Variants in ATAD2B observed in about 807,000 individuals in gnomAD.
The protein encoded by ATAD2B is ATPase family AAA domain-containing protein 2B.
Under a neutral mutation model 167.6 loss-of-function variants are expected in ATAD2B, and 40 were observed. That is an observed-to-expected ratio of 0.24 (90% CI 0.19 to 0.31). The LOEUF is 0.31. Ranked by LOEUF, ATAD2B falls within the 10% of genes least tolerant of loss-of-function variation. ATAD2B has a pLI of 1.00. For missense variants in ATAD2B, 1,242 were observed against 1,757.2 expected (o/e 0.71, Z 5.24); for synonymous variants, 579 against 596.5 (o/e 0.97, Z 0.43).
At chr2:23,892,198 C>G (rs939085065) in intron 2 of ATAD2B, among the ~76,000 whole-genome samples, 16 of 152,182 alleles carry the variant, frequency 1.1e-4, no homozygotes, top group African/African-American at 3.9e-4. Context: ...GAGTCTCGCT[C>G]TGTGGCCCAG....
the ATAD2B span, among the ~76,000 whole-genome samples, chr2:23,692,777 C>T: frequency 6.6e-6 from 1 of 152,068 alleles, no homozygotes; most frequent in South Asian, 2.1e-4. Flanking sequence ...CAGATGGACC[C>T]CAGAGCCTAG....
At chr2:23,742,806 T>C in the ATAD2B span, among the ~76,000 whole-genome samples, 2 of 151,836 alleles carry the variant, frequency 1.3e-5, no homozygotes, top group Non-Finnish European at 2.9e-5. Flanking sequence ...TAAGAAGGAA[T>C]AACAGAACTG....
At chr2:23,807,820 A>ATATATATAT (rs779599879) in intron 18 of ATAD2B, among the ~76,000 whole-genome samples, 2 of 65,184 alleles carry the variant, frequency 3.1e-5, no homozygotes, top group South Asian at 4.7e-4. Flanking sequence ...CATCTTAAAA[A>ATATATATAT]AAAAAAAAAT....
chr2:23,831,088 A>G lies in ATAD2B; in HGVS notation c.1729-2149T>C, dbSNP rs144157568. ...AAAAAATACTTAAATGTAGAAATCA[A>G]GAACTGTTCATTATGTATTTTACTC... On this transcript the variant is annotated intron_variant, in intron 14 of 27. Transcript: ENST00000238789. Among the ~76,000 whole-genome samples, 221 of 152,328 alleles carry G rather than the reference A, an allele frequency of 1.5e-3. 1 individual carries two copies. Among genetic ancestry groups the G allele is most frequent in the African/African-American group, 5.2e-3 (217 of 41,576 alleles).
intron 22 of ATAD2B, among the ~76,000 whole-genome samples, chr2:23,770,119 G>T (rs1473836418): frequency 1.3e-5 from 2 of 151,406 alleles, no homozygotes; most frequent in African/African-American, 4.9e-5. Flanking sequence ...AGACCAGCCT[G>T]GCCAAAATGG....
chr2:23,779,969 G>A (rs757741553), intron 22 of ATAD2B, among the ~76,000 whole-genome samples: 2 of 152,138 alleles, frequency 1.3e-5, no homozygotes, highest in Non-Finnish European at 2.9e-5. Flanking sequence ...TATAAGCTGG[G>A]TGCACTAGCT....
chr2:23,856,653 G>A (rs1198758095), intron 13 of ATAD2B, among the ~76,000 whole-genome samples: 3 of 152,072 alleles, frequency 2.0e-5, no homozygotes, highest in African/African-American at 7.2e-5. Flanking sequence ...TTGAGGCCAG[G>A]AGTTCAAGAC....
chr2:23,732,718 G>A, the ATAD2B span, among the ~76,000 whole-genome samples: 34 of 152,086 alleles, frequency 2.2e-4, no homozygotes, highest in African/African-American at 7.2e-4. Flanking sequence ...CCCAGTTTCT[G>A]ATCTGCTGGA....
At chr2:23,920,981 G>A (rs557946682) in intron 1 of ATAD2B, among the ~76,000 whole-genome samples, 1 of 152,104 alleles carries the variant, frequency 6.6e-6, no homozygotes, top group Admixed American at 6.5e-5. Context: ...GAGGCGGGCG[G>A]GTCGCCTGAG....
chr2:23,703,704 C>T, the ATAD2B span: 1 of 1,531,868 alleles, frequency 6.5e-7, no homozygotes, highest in South Asian at 1.2e-5. Flanking sequence ...CCTGCCTGCT[C>T]TGCTCTCCTC....
At chr2:23,803,798 C>CAAA (rs1401433011) in intron 18 of ATAD2B, among the ~76,000 whole-genome samples, 20 of 152,148 alleles carry the variant, frequency 1.3e-4, no homozygotes, top group Non-Finnish European at 2.8e-4. Context: ...TCCCACCTTA[C>CAAA]CACGCATATA....
At chr2:23,915,235 G>T (rs1702866722) in intron 1 of ATAD2B, among the ~76,000 whole-genome samples, 1 of 152,008 alleles carries the variant, frequency 6.6e-6, no homozygotes, top group Admixed American at 6.6e-5. Flanking sequence ...AAACTTAAAA[G>T]ACATATATAT....
At chr2:23,691,886 G>A in the ATAD2B span, 3 of 1,547,296 alleles carry the variant, frequency 1.9e-6, no homozygotes, top group Non-Finnish European at 2.6e-6. Flanking sequence ...GGTGAGCCCG[G>A]GGGCCACATA....
the ATAD2B span, among the ~76,000 whole-genome samples, chr2:23,729,094 G>A: frequency 7.2e-5 from 11 of 152,186 alleles, no homozygotes; most frequent in African/African-American, 2.7e-4. Flanking sequence ...AGAACAGTGA[G>A]GGGGATGTCT....
chr2:23,755,405 A>G (rs1462816579), intron 25 of ATAD2B, among the ~76,000 whole-genome samples: 1 of 152,130 alleles, frequency 6.6e-6, no homozygotes, highest in East Asian at 1.9e-4. Flanking sequence ...ATTTTGCTGA[A>G]ACCAGCCACA....
intron 22 of ATAD2B, 75 bp downstream of exon 22, chr2:23,782,794 G>T: frequency 2.4e-6 from 3 of 1,268,472 alleles, no homozygotes; most frequent in Non-Finnish European, 3.3e-6. Flanking sequence ...TAGAACACAG[G>T]CATGACTTAG....
intron 27 of ATAD2B, among the ~76,000 whole-genome samples, chr2:23,753,012 A>G (rs930094689): frequency 2.0e-5 from 3 of 152,180 alleles, no homozygotes; most frequent in African/African-American, 7.2e-5. Flanking sequence ...AAGTTCTAGA[A>G]TTAAAAAAAA....
chr2:23,872,795 T>A lies in ATAD2B; in HGVS notation c.977+3034A>T, dbSNP rs540254539. 198 of 960,076 alleles carry A rather than the reference T, an allele frequency of 2.1e-4. No homozygotes were observed. The African/African-American group carries it at 2.6e-3, about 13-fold the overall frequency. 59.5% of individuals were successfully genotyped at this position (960,076 alleles called of 1,614,324 possible). A position where few individuals can be genotyped will look rare whatever the true frequency, so the allele number is the denominator to read the frequency against. ...AGGCAACCACATCTGATCAATGGCA[T>A]CTAGCACTGTCCAGAGGGTCCAGAT... On this transcript the variant is annotated intron_variant, in intron 8 of 27. Transcript: ENST00000238789.
chr2:23,750,221 A>G lies in ATAD2B; in HGVS notation c.*1825T>C, dbSNP rs542689553. 2.0e-5 allele frequency: 3 copies of G among 152,280 alleles called. No individual in the cohort carries two copies. In the South Asian group the frequency reaches 6.2e-4, roughly 32 times the overall value. The allele number at this position is 152,280 out of a possible 1,614,324, so 9.4% of individuals were successfully genotyped here. On this transcript the variant is annotated 3_prime_UTR_variant, in exon 28 of 28. Transcript: ENST00000238789. ...TTAATCGCACTTGCCCACCTTAAAA[A>G]TACAGTGTGTCTACATGGGTAGCAT...
Sources: gnomAD v4.1 joint callset for allele counts (sites outside exome capture counted in the v4.1 genomes callset) on GRCh38, gnomAD v4.1.1 for gene constraint, MANE v1.5 for transcripts, NCBI Gene and HGNC (gene_info 2026-07-23, HGNC 2026-07-21) for gene names.